Variants in GPM6A observed in about 807,000 individuals in gnomAD.
GPM6A encodes glycoprotein M6A.
A neutral mutation model predicts 32.1 loss-of-function variants in GPM6A; 7 were observed. The observed-to-expected ratio is 0.22, with a 90% CI of 0.12 to 0.41. The LOEUF (loss-of-function observed/expected upper bound fraction) is 0.41, where lower values mean the gene tolerates loss of function less well. Among genes scored for constraint, GPM6A ranks in the 10% least tolerant of loss-of-function variants. The probability of loss-of-function intolerance (pLI) is 1.00; values close to 1 mark genes in which losing one functional copy is unlikely to be tolerated. For missense variants in GPM6A, 235 were observed against 347.2 expected (o/e 0.68, Z 2.57); for synonymous variants, 130 against 123.4 (o/e 1.05, Z -0.35).
intron 1 of GPM6A, among the ~76,000 whole-genome samples, chr4:175,971,712 T>C (rs560923208): frequency 1.2e-3 from 187 of 152,342 alleles, no homozygotes; most frequent in African/African-American, 4.3e-3. Flanking sequence ...GCTGGAGCTG[T>C]CTTTCTGTAT....
intron 1 of GPM6A, among the ~76,000 whole-genome samples, chr4:175,948,669 C>T (rs1260285236): frequency 6.6e-6 from 1 of 152,102 alleles, no homozygotes; most frequent in Non-Finnish European, 1.5e-5. Flanking sequence ...TGGGTTAATA[C>T]AACCACATAA....
chr4:175,965,204 G>A (rs561284806), intron 1 of GPM6A, among the ~76,000 whole-genome samples: 5 of 151,976 alleles, frequency 3.3e-5, no homozygotes, highest in Admixed American at 2.6e-4. Flanking sequence ...AGAATAGAAA[G>A]CAAACAAAGT....
chr4:175,753,231 A>G (rs1224779166), intron 1 of GPM6A, among the ~76,000 whole-genome samples: 1 of 152,172 alleles, frequency 6.6e-6, no homozygotes, highest in South Asian at 2.1e-4. Flanking sequence ...ACATATATCT[A>G]CATAAGCTAA....
At chr4:175,651,589 A>T (rs1290653082) in intron 4 of GPM6A, among the ~76,000 whole-genome samples, 1 of 152,184 alleles carries the variant, frequency 6.6e-6, no homozygotes, top group African/African-American at 2.4e-5. Flanking sequence ...AATATCAGGT[A>T]ATGTGATCTG....
intron 6 of GPM6A, among the ~76,000 whole-genome samples, chr4:175,637,404 G>GTA (rs1225666418): frequency 4.3e-5 from 3 of 69,704 alleles, no homozygotes; most frequent in South Asian, 9.2e-4. Context: ...ATATAATATA[G>GTA]TATATATATA....
At chr4:175,697,259 C>T (rs1291650835) in intron 2 of GPM6A, among the ~76,000 whole-genome samples, 2 of 152,096 alleles carry the variant, frequency 1.3e-5, no homozygotes, top group Non-Finnish European at 2.9e-5. Flanking sequence ...CTAACAGTCT[C>T]CATATTTTAT....
intron 2 of GPM6A, among the ~76,000 whole-genome samples, chr4:175,685,042 C>G (rs973649754): frequency 9.9e-5 from 15 of 152,190 alleles, no homozygotes; most frequent in Non-Finnish European, 1.8e-4. Context: ...GGCCCACCAC[C>G]ACGCCCGGCT....
intron 1 of GPM6A, among the ~76,000 whole-genome samples, chr4:175,760,865 A>G (rs1354761089): frequency 3.9e-5 from 6 of 152,186 alleles, no homozygotes; most frequent in Non-Finnish European, 8.8e-5. Flanking sequence ...TATAAACAGT[A>G]ATAATAGACA....
intron 1 of GPM6A, among the ~76,000 whole-genome samples, chr4:175,836,035 T>C (rs918714323): frequency 4.6e-5 from 7 of 152,054 alleles, no homozygotes; most frequent in Admixed American, 6.6e-5. Flanking sequence ...TATAGGGGGC[T>C]GAGAAATGTG....
intron 1 of GPM6A, among the ~76,000 whole-genome samples, chr4:175,756,758 A>G (rs552279425): frequency 6.6e-6 from 1 of 152,298 alleles, no homozygotes; most frequent in African/African-American, 2.4e-5. Flanking sequence ...AATCATTAAT[A>G]GTCATGCACT....
At chr4:175,890,466 C>A (rs1003457913) in intron 1 of GPM6A, among the ~76,000 whole-genome samples, 1 of 151,798 alleles carries the variant, frequency 6.6e-6, no homozygotes, top group African/African-American at 2.4e-5. Flanking sequence ...CAAAAAGAAG[C>A]AAACTGAATA....
chr4:175,887,769 A>T (rs13150695), intron 1 of GPM6A, among the ~76,000 whole-genome samples: 81,754 of 151,608 alleles, frequency 0.54, 22,725 homozygotes, highest in East Asian at 0.74. Context: ...GAAAATGTTG[A>T]TGAAATTCAT....
chr4:175,842,092 G>A (rs1015480700), intron 1 of GPM6A, among the ~76,000 whole-genome samples: 2 of 152,002 alleles, frequency 1.3e-5, no homozygotes, highest in Admixed American at 6.6e-5. Flanking sequence ...TTTTGGTGTT[G>A]CATAGATAAA....
At chr4:175,846,557 A>C (rs1736093753) in intron 1 of GPM6A, among the ~76,000 whole-genome samples, 1 of 152,154 alleles carries the variant, frequency 6.6e-6, no homozygotes, top group Admixed American at 6.6e-5. Flanking sequence ...GAGTGATTAT[A>C]ATTTCACTTT....
intron 1 of GPM6A, among the ~76,000 whole-genome samples, chr4:175,936,306 CAAAAAAAAAAAA>C (rs35653197): frequency 6.6e-5 from 3 of 45,576 alleles, no homozygotes; most frequent in Non-Finnish European, 1.1e-4. Context: ...ACTCTGTCTC[CAAAAAAAAAAAA>C]AAAAAAAAAA....
intron 1 of GPM6A, among the ~76,000 whole-genome samples, chr4:175,850,564 G>T (rs1236490111): frequency 6.6e-6 from 1 of 152,056 alleles, no homozygotes; most frequent in Admixed American, 6.6e-5. Flanking sequence ...AGTAGGTTTG[G>T]AATTCAGGAA....
intron 1 of GPM6A, among the ~76,000 whole-genome samples, chr4:175,943,502 T>C (rs1446837035): frequency 2.6e-5 from 4 of 152,202 alleles, no homozygotes; most frequent in Non-Finnish European, 5.9e-5. Flanking sequence ...TTCAGAATGA[T>C]ATTGGCTGTG....
chr4:175,747,007 C>T (rs754096033), intron 1 of GPM6A, among the ~76,000 whole-genome samples: 23 of 152,124 alleles, frequency 1.5e-4, no homozygotes, highest in Non-Finnish European at 3.2e-4. Context: ...CATGGTGGCT[C>T]ACGCCTGTAA....
chr4:175,659,068 G>A (rs551080462), intron 3 of GPM6A, among the ~76,000 whole-genome samples: 1 of 149,856 alleles, frequency 6.7e-6, no homozygotes, highest in Admixed American at 6.7e-5. Context: ...GAGATAAATT[G>A]TTTTTGTTTT....
Sources: gnomAD v4.1 joint callset for allele counts (sites outside exome capture counted in the v4.1 genomes callset) on GRCh38, gnomAD v4.1.1 for gene constraint, MANE v1.5 for transcripts, NCBI Gene and HGNC (gene_info 2026-07-23, HGNC 2026-07-21) for gene names.